MGST1: variants seen among roughly 807,000 people sequenced by gnomAD.
The protein encoded by MGST1 is glutathione S-transferase 12.
In MGST1, 5 loss-of-function variants were observed where a neutral mutation model predicts 8.9. The ratio of observed to expected loss-of-function variants is 0.56; its 90% CI spans 0.29 to 1.19. The LOEUF is 1.19. MGST1 is among the 50% of genes most tolerant of loss of function. MGST1 has a pLI of 0.08. For synonymous variants in MGST1, 54 were observed against 67.8 expected (o/e 0.80, Z 1.00); for missense variants, 182 against 187.4 (o/e 0.97, Z 0.17).
At chr12:16,400,121 G>T in intron 1 of MGST1, 2 of 1,534,346 alleles carry the variant, frequency 1.3e-6, no homozygotes, top group Non-Finnish European at 1.8e-6. Flanking sequence ...CTCATTTCTC[G>T]TTCCATCTGC....
intron 4 of MGST1, among the ~76,000 whole-genome samples, chr12:16,508,692 A>G (rs965353583): frequency 6.6e-6 from 1 of 152,186 alleles, no homozygotes; most frequent in Non-Finnish European, 1.5e-5. Flanking sequence ...TGGACTGCGC[A>G]AAGATGGACA....
chr12:16,578,944 AAAG>A (rs1239019173), intron 4 of MGST1, among the ~76,000 whole-genome samples: 8 of 152,212 alleles, frequency 5.3e-5, no homozygotes, highest in Non-Finnish European at 7.3e-5. Flanking sequence ...AATAAAAAGA[AAAG>A]AAAAAGTTCT....
chr12:16,392,542 C>T (rs1940561911), intron 1 of MGST1, among the ~76,000 whole-genome samples: 1 of 152,150 alleles, frequency 6.6e-6, no homozygotes, highest in African/African-American at 2.4e-5. Flanking sequence ...CCAGTATGTA[C>T]ATAGTTTGAA....
At position 16,582,835 on chromosome 12, in the gene MGST1, G is replaced by T. The variant is rs1943202489; in HGVS notation, n.483-6693G>T. ...GGCCAAATTGAGTGGATCACCTGAG[G>T]TCAGGAGTTCGAGACCAGCCTGGCC... On this transcript the variant is annotated intron_variant and non_coding_transcript_variant, in intron 4 of 4. Coordinates refer to the MGST1 transcript ENST00000538857. The surrounding 1 kb of genome is among the most constrained non-coding windows in gnomAD (Gnocchi z 4.1). Among the ~76,000 whole-genome samples, 1 of 152,072 alleles carries T rather than the reference G, an allele frequency of 6.6e-6. No homozygotes were observed. Among genetic ancestry groups the T allele is most frequent in the Non-Finnish European group, 1.5e-5 (1 of 68,008 alleles).
intron 4 of MGST1, chr12:16,551,145 A>G: frequency 1.1e-6 from 1 of 944,498 alleles, no homozygotes. Flanking sequence ...TTCCTGTGTC[A>G]ATTCTTATGT....
intron 4 of MGST1, among the ~76,000 whole-genome samples, chr12:16,484,562 A>T (rs1023184835): frequency 6.6e-6 from 1 of 152,154 alleles, no homozygotes; most frequent in South Asian, 2.1e-4. Context: ...ACAACTAGGG[A>T]GGTCTCAGGA....
At chr12:16,368,682 A>G (rs993954161), downstream of MGST1, among the ~76,000 whole-genome samples, 3 of 152,180 alleles carry the variant, frequency 2.0e-5, no homozygotes, top group Non-Finnish European at 4.4e-5. Flanking sequence ...CAGCTCATGT[A>G]CAAGATTGTG....
downstream of MGST1, among the ~76,000 whole-genome samples, chr12:16,379,616 G>A (rs1389455497): frequency 2.6e-5 from 4 of 152,040 alleles, no homozygotes; most frequent in Non-Finnish European, 5.9e-5. Context: ...CTCTTTTTTG[G>A]TTGTGTCTCT....
At chr12:16,445,037 C>G (rs1565456089) in intron 4 of MGST1, among the ~76,000 whole-genome samples, 1 of 151,640 alleles carries the variant, frequency 6.6e-6, no homozygotes, top group South Asian at 2.1e-4. Flanking sequence ...ACTGCTGAAA[C>G]CGCCACATTC....
At position 16,444,320 on chromosome 12, in the gene MGST1, A is replaced by C. The variant is rs1004487549; in HGVS notation, n.482+60716A>C. Reference sequence around the variant, plus strand: ...ATATCCACACACATGCCTTTACTCCAGACTACTTTGTCTCTGATCTTCCAA... The same window carrying C: ...ATATCCACACACATGCCTTTACTCCCGACTACTTTGTCTCTGATCTTCCAA... On this transcript the variant is annotated intron_variant and non_coding_transcript_variant, in intron 4 of 4. Transcript: ENST00000538857. Among the ~76,000 whole-genome samples the C allele has an allele frequency of 4.0e-5, 6 of 151,346 alleles. No individual in the cohort carries two copies. In the Admixed American group the frequency reaches 4.0e-4, roughly 10 times the overall value.
rs1943328728 is a variant in MGST1, at chr12:16,586,596, GAC to G, written n.483-2931_483-2930del. On this transcript the variant is annotated intron_variant and non_coding_transcript_variant, in intron 4 of 4. Transcript: ENST00000538857. The surrounding 1 kb of genome is among the most constrained non-coding windows in gnomAD (Gnocchi z 4.3). ...GCAAAGACACTGCATTTCATCTTTGGACGTCCTTTCTTGGCAGGACCACTTGT... is the reference window on the plus strand; with the variant it reads ...GCAAAGACACTGCATTTCATCTTTGGGTCCTTTCTTGGCAGGACCACTTGT... 6.6e-6 allele frequency among the ~76,000 whole-genome samples: 1 copy of G among 152,172 alleles called. No homozygotes were observed. Among genetic ancestry groups the G allele is most frequent in the Non-Finnish European group, 1.5e-5 (1 of 68,026 alleles).
chr12:16,401,289 G>T lies in MGST1; in HGVS notation n.778+17685G>T. ...TCAGGTCTGAGAATCCCAAACTGAT[G>T]CTGAAAACCATTCCTGTCTTCAGTT... On this transcript the variant is annotated intron_variant and non_coding_transcript_variant, in intron 1 of 1. Coordinates refer to the MGST1 transcript ENST00000359720. This position sits in a 1 kb window ranked among gnomAD's most constrained non-coding sequence, Gnocchi z 4.3. 1 of 1,523,840 alleles carries T rather than the reference G, an allele frequency of 6.6e-7. No individual in the cohort carries two copies. The highest frequency in any genetic ancestry group is 1.1e-5 in the South Asian group (1 of 89,148). The allele number at this position is 1,523,840 out of a possible 1,614,324, so 94.4% of individuals were successfully genotyped here. A position where few individuals can be genotyped will look rare whatever the true frequency, so the allele number is the denominator to read the frequency against.
At chr12:16,381,171 T>A (rs1470759731), downstream of MGST1, among the ~76,000 whole-genome samples, 2 of 152,258 alleles carry the variant, frequency 1.3e-5, no homozygotes, top group Non-Finnish European at 2.9e-5. Context: ...TGTGAATTTT[T>A]TCCTGTCATT....
Position 16,582,315 on chromosome 12 carries a change from A to T in MGST1, n.483-7213A>T, listed in dbSNP as rs905558798. On this transcript the variant is annotated intron_variant and non_coding_transcript_variant, in intron 4 of 4. Transcript: ENST00000538857. This position sits in a 1 kb window ranked among gnomAD's most constrained non-coding sequence, Gnocchi z 4.1. ...TCCTGGTGTTCATTCTCTGAATTCTAGAAAACATCTTACCTGTTCCTATAG... is the reference window on the plus strand; with the variant it reads ...TCCTGGTGTTCATTCTCTGAATTCTTGAAAACATCTTACCTGTTCCTATAG... 6.6e-6 allele frequency among the ~76,000 whole-genome samples: 1 copy of T among 152,218 alleles called. No individual in the cohort carries two copies. Among genetic ancestry groups the T allele is most frequent in the East Asian group, 1.9e-4 (1 of 5,198 alleles).
chr12:16,563,144 G>C (rs1302549224), intron 4 of MGST1, among the ~76,000 whole-genome samples: 2 of 152,140 alleles, frequency 1.3e-5, no homozygotes, highest in Non-Finnish European at 2.9e-5. Context: ...TTCCTAAGAG[G>C]GCGAATCTTA....
At chr12:16,511,092 CA>C (rs1295075377) in intron 4 of MGST1, among the ~76,000 whole-genome samples, 1 of 152,140 alleles carries the variant, frequency 6.6e-6, no homozygotes, top group African/African-American at 2.4e-5. Context: ...AGTTTATATT[CA>C]AAGTTAATAT....
At chr12:16,511,704 T>G (rs1941578520) in intron 4 of MGST1, among the ~76,000 whole-genome samples, 1 of 152,158 alleles carries the variant, frequency 6.6e-6, no homozygotes, top group African/African-American at 2.4e-5. Context: ...TTCTACTTTT[T>G]CAGTCTTATT....
At chr12:16,421,207 T>A (rs928756807) in intron 1 of MGST1, among the ~76,000 whole-genome samples, 7 of 152,128 alleles carry the variant, frequency 4.6e-5, no homozygotes, top group African/African-American at 1.7e-4. Context: ...AGGGAGGTAC[T>A]AAACATATGC....
At chr12:16,485,724 A>G (rs1405245900) in intron 4 of MGST1, among the ~76,000 whole-genome samples, 3 of 152,364 alleles carry the variant, frequency 2.0e-5, no homozygotes, top group African/African-American at 7.2e-5. Flanking sequence ...AATGATAAAG[A>G]TAAAACACAA....
Sources: allele counts gnomAD v4.1 joint callset (sites outside exome capture counted in the v4.1 genomes callset), GRCh38; gene constraint gnomAD v4.1.1; non-coding constraint Gnocchi (gnomAD v3.1); transcripts MANE v1.5; gene names NCBI Gene and HGNC (gene_info 2026-07-23, HGNC 2026-07-21).